Variants in LHFPL2 observed in about 807,000 individuals in gnomAD.
The protein encoded by LHFPL2 is LHFPL tetraspan subfamily member 2, also known as LHFPL tetraspan subfamily member 2 protein.
Under a neutral mutation model 17.5 loss-of-function variants are expected in LHFPL2, and 7 were observed. The observed-to-expected ratio is 0.40, with a 90% confidence interval of 0.23 to 0.75. LHFPL2 has a LOEUF of 0.75. Among genes scored for constraint, LHFPL2 ranks in the 30% least tolerant of loss-of-function variants. The pLI is 0.37. For synonymous variants in LHFPL2, 134 were observed against 116.2 expected, an observed-to-expected ratio of 1.15 and a Z score of -0.99; for missense variants, 241 against 294.8, an observed-to-expected ratio of 0.82 and a Z score of 1.34.
At chr5:78,635,962 C>T (rs867009021) in intron 1 of LHFPL2, among the ~76,000 whole-genome samples, 6 of 151,856 alleles carry the variant, frequency 4.0e-5, no homozygotes, top group African/African-American at 1.5e-4. Context: ...GTGCCAAATG[C>T]ATCGTAAATT....
At chr5:78,496,847 A>G (rs865941747) in intron 4 of LHFPL2, among the ~76,000 whole-genome samples, 18 of 152,156 alleles carry the variant, frequency 1.2e-4, no homozygotes, top group Non-Finnish European at 1.2e-4. Flanking sequence ...TTTCCAGTCT[A>G]AACACAAGGG....
At chr5:78,554,834 C>T (rs1042871649) in intron 3 of LHFPL2, among the ~76,000 whole-genome samples, 1 of 152,174 alleles carries the variant, frequency 6.6e-6, no homozygotes, top group African/African-American at 2.4e-5. Flanking sequence ...GGGCCATTTC[C>T]AACTTCCATG....
At chr5:78,521,468 A>G (rs1755456300) in intron 3 of LHFPL2, among the ~76,000 whole-genome samples, 1 of 152,242 alleles carries the variant, frequency 6.6e-6, no homozygotes, top group Non-Finnish European at 1.5e-5. Context: ...AGATGACATT[A>G]ATTTAAAGTG....
chr5:78,578,361 A>G (rs918489788), intron 2 of LHFPL2, among the ~76,000 whole-genome samples: 1 of 152,158 alleles, frequency 6.6e-6, no homozygotes, highest in Non-Finnish European at 1.5e-5. Flanking sequence ...AGGAGTGAGA[A>G]CCACTTTTTG....
intron 2 of LHFPL2, among the ~76,000 whole-genome samples, chr5:78,621,305 C>A (rs1435072080): frequency 6.6e-6 from 1 of 152,164 alleles, no homozygotes; most frequent in African/African-American, 2.4e-5. Flanking sequence ...TCTTTCAGTG[C>A]TGTCGTCTGG....
chr5:78,567,051 TAC>T (rs1246473526), intron 2 of LHFPL2, among the ~76,000 whole-genome samples: 1 of 152,218 alleles, frequency 6.6e-6, no homozygotes, highest in African/African-American at 2.4e-5. Flanking sequence ...CTCCTTTTTT[TAC>T]ATATAAACCA....
intron 3 of LHFPL2, among the ~76,000 whole-genome samples, chr5:78,539,501 C>A (rs562680520): frequency 4.6e-5 from 7 of 152,136 alleles, no homozygotes; most frequent in Non-Finnish European, 5.9e-5. Flanking sequence ...GCTTAGCATA[C>A]GGTATATCGT....
In LHFPL2 at chr5:78,488,994, A is replaced by G; in HGVS notation, c.590T>C (p.Ile197Thr). The G allele has an allele frequency of 1.2e-6, 2 of 1,614,202 alleles. No individual in the cohort carries two copies. The highest frequency in any genetic ancestry group is 1.7e-6 in the Non-Finnish European group (2 of 1,180,028). ...TAIGGTVLTF[I>T]CAVFSAQAEI... ...TGCTTGTGCAGAGAAGACAGCACAG[A>G]TGAAAGTGAGGACTGTGCCCCCAAT... The change falls in exon 5 of 5, where the codon ATC (isoleucine) becomes ACC (threonine). Residue 197 changes from isoleucine (I) to threonine (T), a missense_variant. Transcript: ENST00000380345.
intron 2 of LHFPL2, among the ~76,000 whole-genome samples, chr5:78,610,845 T>C (rs1026893584): frequency 6.6e-6 from 1 of 151,682 alleles, no homozygotes; most frequent in Admixed American, 6.6e-5. Flanking sequence ...GCCACATGCA[T>C]GGACTGAACC....
intron 3 of LHFPL2, among the ~76,000 whole-genome samples, chr5:78,541,856 C>T (rs918325965): frequency 5.9e-5 from 9 of 152,126 alleles, no homozygotes; most frequent in Non-Finnish European, 1.3e-4. Flanking sequence ...GGAGGGCAGC[C>T]GCTAGCTTGT....
At chr5:78,602,993 C>A (rs928736886) in intron 2 of LHFPL2, among the ~76,000 whole-genome samples, 6 of 152,164 alleles carry the variant, frequency 3.9e-5, no homozygotes, top group Non-Finnish European at 7.3e-5. Flanking sequence ...TGGGTTCAAG[C>A]CATTCTCCTG....
At chr5:78,636,553 T>C (rs759976056) in intron 1 of LHFPL2, among the ~76,000 whole-genome samples, 1 of 152,200 alleles carries the variant, frequency 6.6e-6, no homozygotes, top group Non-Finnish European at 1.5e-5. Context: ...AACCTTCCAA[T>C]TCACCTGGAT....
At chr5:78,621,623 G>T (rs1655171528) in intron 2 of LHFPL2, among the ~76,000 whole-genome samples, 1 of 152,066 alleles carries the variant, frequency 6.6e-6, no homozygotes, top group South Asian at 2.1e-4. Flanking sequence ...CCACAAATTT[G>T]TAAAGCTATT....
chr5:78,523,078 C>G (rs1298738222), intron 3 of LHFPL2, among the ~76,000 whole-genome samples: 3 of 151,204 alleles, frequency 2.0e-5, no homozygotes, highest in Admixed American at 6.6e-5. Context: ...GGCTGATAAC[C>G]CTTTTCTGGC....
rs900079483 is a variant in LHFPL2 at position 78,486,538 on chromosome 5, A to G, written c.*2359T>C. 25 of 152,214 alleles carry G rather than the reference A, an allele frequency of 1.6e-4. No individual in the cohort carries two copies. Among genetic ancestry groups the G allele is most frequent in the African/African-American group, 4.8e-4 (20 of 41,450 alleles). 9.4% of individuals were successfully genotyped at this position (152,214 alleles called of 1,614,324 possible). ...TGGTCCTTTCATCCCAAGCCTGGCT[A>G]ATGGATTCAAGGTTTAAAAGTCCCA... On this transcript the variant is annotated 3_prime_UTR_variant, in exon 5 of 5. Coordinates refer to ENST00000380345, the MANE Select transcript of LHFPL2 (RefSeq NM_005779.3).
intron 3 of LHFPL2, among the ~76,000 whole-genome samples, chr5:78,533,700 C>G (rs919457024): frequency 2.0e-5 from 3 of 152,008 alleles, no homozygotes; most frequent in African/African-American, 7.3e-5. Flanking sequence ...GTGCCAAAAC[C>G]TCATCTGCAG....
chr5:78,634,737 C>T (rs1327780404), intron 1 of LHFPL2, among the ~76,000 whole-genome samples: 2 of 152,190 alleles, frequency 1.3e-5, no homozygotes, highest in African/African-American at 4.8e-5. Flanking sequence ...AATGATTTGC[C>T]CAAGGCCGCA....
At chr5:78,615,086 A>T (rs1744552062) in intron 2 of LHFPL2, among the ~76,000 whole-genome samples, 1 of 152,252 alleles carries the variant, frequency 6.6e-6, no homozygotes. Context: ...TGGGGGCAGT[A>T]TCAACATTTC....
Position 78,632,348 on chromosome 5 carries a change from A to G in LHFPL2, c.-329T>C, listed in dbSNP as rs894716153. 1 of 152,246 alleles carries G rather than the reference A, an allele frequency of 6.6e-6. No individual in the cohort carries two copies. Among genetic ancestry groups the G allele is most frequent in the African/African-American group, 2.4e-5 (1 of 41,460 alleles). The allele number at this position is 152,246 out of a possible 1,614,324, so 9.4% of individuals were successfully genotyped here. On this transcript the variant is annotated 5_prime_UTR_variant, in exon 2 of 5. Transcript: ENST00000380345. ...AAACCATAGGCCAGCTGTCAACTCAAGAGTCTGATTCCCAACTCACCTGAA... is the reference window on the plus strand; with the variant it reads ...AAACCATAGGCCAGCTGTCAACTCAGGAGTCTGATTCCCAACTCACCTGAA...
Sources: gnomAD v4.1 joint callset for allele counts (sites outside exome capture counted in the v4.1 genomes callset) on GRCh38, gnomAD v4.1.1 for gene constraint, MANE v1.5 for transcripts, NCBI Gene and HGNC (gene_info 2026-07-23, HGNC 2026-07-21) for gene names.